The following CDKL5 variants were observed in gnomAD, a reference collection of about 807,000 sequenced individuals.
CDKL5 encodes the protein cyclin-dependent kinase-like 5.
In CDKL5, 8 loss-of-function variants were observed where a neutral mutation model predicts 61.7. That is an observed-to-expected ratio of 0.13 (90% CI 0.08 to 0.23). The LOEUF is 0.23. Ranked by LOEUF, CDKL5 falls within the 10% of genes least tolerant of loss-of-function variation. The pLI, the probability that CDKL5 is intolerant of heterozygous loss-of-function variation, is 1.00. For synonymous variants in CDKL5, 275 were observed against 272.3 expected (o/e 1.01, Z -0.10); for missense variants, 440 against 734.5 (o/e 0.60, Z 4.63).
chrX:18,516,889 C>T (rs904772714), intron 3 of CDKL5, among the ~76,000 whole-genome samples: 2 of 111,660 alleles, frequency 1.8e-5, no homozygotes, highest in Non-Finnish European at 3.8e-5. Flanking sequence ...GCATGTGCCA[C>T]CACACTGACT....
chrX:18,623,872 A>C, intron 16 of CDKL5: 1 of 740,396 alleles, frequency 1.4e-6, no homozygotes. Context: ...TGTATCTTAT[A>C]TTGCAGACAG....
intron 4 of CDKL5, among the ~76,000 whole-genome samples, chrX:18,566,103 T>C (rs901704108): frequency 1.8e-5 from 2 of 112,245 alleles, no homozygotes; most frequent in African/African-American, 6.5e-5. Flanking sequence ...CCACCAAAAA[T>C]AATAACTGTC....
In CDKL5 at chrX:18,631,871, T is replaced by A; in HGVS notation, c.*3114T>A. On this transcript the variant is annotated 3_prime_UTR_variant, in exon 18 of 18. Coordinates refer to ENST00000623535, the MANE Select transcript of CDKL5 (RefSeq NM_001323289.2). ...TTCATGCTGAGGGGCTCAAGTGAGC[T>A]GACTCTACAACTGTGGTTCTCAACT... is the stretch of plus-strand genomic sequence containing the variant. 1.3e-6 allele frequency: 1 copy of A among 753,937 alleles called. No individual in the cohort carries two copies. 62.1% of individuals were successfully genotyped at this position (753,937 alleles called of 1,213,427 possible).
intron 15 of CDKL5, among the ~76,000 whole-genome samples, chrX:18,615,038 A>G (rs1926675063): frequency 8.9e-6 from 1 of 112,293 alleles, no homozygotes; most frequent in African/African-American, 3.2e-5. Context: ...GTGGATATGT[A>G]CAGAAACCTA....
At chrX:18,473,728 T>G (rs963675843) in intron 1 of CDKL5, among the ~76,000 whole-genome samples, 15 of 107,149 alleles carry the variant, frequency 1.4e-4, no homozygotes, top group Non-Finnish European at 2.7e-4. Flanking sequence ...TTTTTTTTTT[T>G]GGAGACTCAG....
chrX:18,454,972 A>G (rs1932110931), intron 1 of CDKL5, among the ~76,000 whole-genome samples: 1 of 98,697 alleles, frequency 1.0e-5, no homozygotes, highest in African/African-American at 3.8e-5. Flanking sequence ...GGGTCACTGC[A>G]ACCTCTGCCT....
chrX:18,456,206 A>G (rs1424431182), intron 1 of CDKL5, among the ~76,000 whole-genome samples: 1 of 109,815 alleles, frequency 9.1e-6, no homozygotes, highest in Non-Finnish European at 1.9e-5. Flanking sequence ...CGCCCAGCTA[A>G]TTTTTGTATT....
intron 3 of CDKL5, among the ~76,000 whole-genome samples, chrX:18,548,044 C>T (rs1233340430): frequency 9.2e-6 from 1 of 108,923 alleles, no homozygotes; most frequent in East Asian, 2.9e-4. Context: ...ATTTGGTTGG[C>T]TAAACATTTG....
At chrX:18,509,244 CA>C (rs1175040650) in intron 2 of CDKL5, among the ~76,000 whole-genome samples, 1,500 of 105,073 alleles carry the variant, frequency 0.014, 26 homozygotes, top group Admixed American at 0.035. Flanking sequence ...CACACACACA[CA>C]CCCCTGTCAA....
intron 1 of CDKL5, among the ~76,000 whole-genome samples, chrX:18,498,595 CT>C (rs1266875464): frequency 9.0e-6 from 1 of 111,228 alleles, no homozygotes; most frequent in Non-Finnish European, 1.9e-5. Flanking sequence ...GCATTGTTTT[CT>C]TTCTATAGAT....
At chrX:18,507,221 A>G in intron 2 of CDKL5, 61 bp downstream of exon 2, 1 of 756,421 alleles carries the variant, frequency 1.3e-6, no homozygotes, top group Non-Finnish European at 2.1e-6. Context: ...TATTCCTACC[A>G]CCAAAAAGTT....
chrX:18,632,588 T>G lies in CDKL5; in HGVS notation c.*3831T>G. On this transcript the variant is annotated 3_prime_UTR_variant, in exon 18 of 18. Coordinates refer to ENST00000623535, the MANE Select transcript of CDKL5 (RefSeq NM_001323289.2). ...ATTGGTGGTTGTGATGTGGCTGTTA[T>G]AGAAGTATTTGTGCTGTATGCTTTG... 2.6e-6 allele frequency: 2 copies of G among 754,790 alleles called. No individual in the cohort carries two copies. The highest frequency in any genetic ancestry group is 3.1e-6 in the Non-Finnish European group (2 of 639,387). The allele number at this position is 754,790 out of a possible 1,213,427, so 62.2% of individuals were successfully genotyped here.
intron 12 of CDKL5, among the ~76,000 whole-genome samples, chrX:18,606,878 T>C (rs189608992): frequency 4.5e-5 from 5 of 112,280 alleles, no homozygotes; most frequent in African/African-American, 1.6e-4. Flanking sequence ...GTGGATCTTC[T>C]ACTCCTCAGA....
At position 18,628,039 on chromosome X, in the gene CDKL5, A is replaced by G. The variant is rs183707792; in HGVS notation, c.2497-332A>G. On this transcript the variant is annotated intron_variant, in intron 17 of 17. Coordinates refer to ENST00000623535, the MANE Select transcript of CDKL5 (RefSeq NM_001323289.2). ...TGGGAAGTCTTCTCAAAACAGAGAA[A>G]CATACACCTTTTGCTTTCTCCTTCC... Among the ~76,000 whole-genome samples, 732 of 111,449 alleles carry G rather than the reference A, an allele frequency of 6.6e-3. 8 individuals carry two copies. Among genetic ancestry groups the G allele is most frequent in the African/African-American group, 0.022 (684 of 30,632 alleles).
intron 21 of CDKL5, among the ~76,000 whole-genome samples, chrX:18,651,277 GAGAGAGAGAGACAGAGAGACAC>G (rs1344248856): frequency 9.2e-6 from 1 of 108,713 alleles, no homozygotes; most frequent in East Asian, 3.0e-4. Context: ...GAGAGAGAGA[GAGAGAGAGAGACAGAGAGACAC>G]AGAGAGAGAC....
chrX:18,450,089 G>A (rs1248739058), intron 1 of CDKL5, among the ~76,000 whole-genome samples: 2 of 112,160 alleles, frequency 1.8e-5, no homozygotes, highest in Non-Finnish European at 3.8e-5. Context: ...CACTGTGCCC[G>A]GTCCCCTTAA....
chrX:18,579,095 A>G (rs1406786039), intron 5 of CDKL5, among the ~76,000 whole-genome samples: 1 of 111,495 alleles, frequency 9.0e-6, no homozygotes, highest in African/African-American at 3.3e-5. Flanking sequence ...CACATGTTAC[A>G]CTTTGAGAAC....
chrX:18,551,424 G>A (rs1022162338), intron 3 of CDKL5, among the ~76,000 whole-genome samples: 1 of 108,770 alleles, frequency 9.2e-6, no homozygotes, highest in African/African-American at 3.3e-5. Flanking sequence ...AGGATTTCTG[G>A]ATATGTGGGT....
In CDKL5 at chrX:18,604,324, A is replaced by G. The variant is rs267608631; in HGVS notation, c.1400A>G (p.His467Arg). ...TLQPNEKQSR[H>R]SYIDTIPQSS... ...CAGCCCAATGAAAAGCAGAGTCGGC[A>G]TAGCTATATTGACACAATTCCCCAG... Residue 467 changes from histidine to arginine, a missense_variant, in exon 12 of 18, where the codon CAT (histidine) becomes CGT (arginine). Around this residue, in one of 2 missense-constraint regions of CDKL5, gnomAD observed 363 missense variants for 516.3 expected, o/e 0.70. Coordinates refer to ENST00000623535, the MANE Select transcript of CDKL5 (RefSeq NM_001323289.2). The G allele has an allele frequency of 9.9e-6, 12 of 1,210,835 alleles. No individual in the cohort carries two copies. The highest frequency in any genetic ancestry group is 1.8e-5 in the South Asian group (1 of 56,946).
Sources: gnomAD v4.1 joint callset for allele counts (sites outside exome capture counted in the v4.1 genomes callset) on GRCh38, gnomAD v4.1.1 for gene constraint, gnomAD v4.1.1 regional missense constraint, MANE v1.5 for transcripts, NCBI Gene and HGNC (gene_info 2026-07-23, HGNC 2026-07-21) for gene names.